Variants in PUDP observed in about 807,000 individuals in gnomAD.
The protein encoded by PUDP is pseudouridine-5'-phosphatase.
In PUDP, 8 loss-of-function variants were observed where a neutral mutation model predicts 9.4. That is an observed-to-expected ratio of 0.85 (90% confidence interval 0.50 to 1.53). The LOEUF (loss-of-function observed/expected upper bound fraction) is 1.53, where lower values mean the gene tolerates loss of function less well. Ranked by LOEUF, PUDP falls within the 40% of genes most tolerant of loss-of-function variation. The pLI, the probability that PUDP is intolerant of heterozygous loss-of-function variation, is 0.00. For synonymous variants in PUDP, 99 were observed against 80.7 expected (o/e 1.23, Z -1.22); for missense variants, 188 against 189.7 (o/e 0.99, Z 0.05).
intron 3 of PUDP, among the ~76,000 whole-genome samples, chrX:6,830,776 AAG>A (rs759298138): frequency 1.2e-4 from 13 of 112,386 alleles, no homozygotes; most frequent in African/African-American, 4.2e-4. Flanking sequence ...ATTGTTGAAA[AAG>A]AGTGTAAATA....
intron 1 of PUDP, among the ~76,000 whole-genome samples, chrX:7,118,097 G>T (rs1932245941): frequency 8.8e-6 from 1 of 113,097 alleles, no homozygotes. Flanking sequence ...CTTTAACACA[G>T]TCTGGAGAAC....
chrX:7,116,264 T>C (rs745674103), intron 1 of PUDP, among the ~76,000 whole-genome samples: 1 of 111,156 alleles, frequency 9.0e-6, no homozygotes, highest in Non-Finnish European at 1.9e-5. Context: ...TCTCATGGGA[T>C]TGGCTTGGGA....
intron 3 of PUDP, among the ~76,000 whole-genome samples, chrX:6,905,934 A>G (rs1164388788): frequency 3.6e-5 from 4 of 112,144 alleles, no homozygotes; most frequent in Non-Finnish European, 7.5e-5. Context: ...CACCAATAAC[A>G]TTGGAAATTT....
chrX:7,047,206 T>C (rs1929994460), downstream of PUDP, among the ~76,000 whole-genome samples: 1 of 112,165 alleles, frequency 8.9e-6, no homozygotes, highest in South Asian at 3.7e-4. Context: ...TCTCTGTCCC[T>C]TGTGTTTTCC....
intron 3 of PUDP, among the ~76,000 whole-genome samples, chrX:6,946,928 T>C (rs1462309853): frequency 1.8e-5 from 2 of 111,008 alleles, no homozygotes; most frequent in Non-Finnish European, 3.8e-5. Flanking sequence ...TTTGATGCTT[T>C]GAAAAAGAAA....
At chrX:6,840,107 G>A (rs941158338) in intron 3 of PUDP, among the ~76,000 whole-genome samples, 1 of 111,332 alleles carries the variant, frequency 9.0e-6, no homozygotes. Flanking sequence ...CATGGAGGTG[G>A]TTCCTCCATA....
chrX:6,803,219 G>A (rs910957320), intron 3 of PUDP, among the ~76,000 whole-genome samples: 6 of 110,706 alleles, frequency 5.4e-5, no homozygotes, highest in South Asian at 3.9e-4. Flanking sequence ...TTCTTCAGCC[G>A]ATGGAAACCC....
chrX:7,050,829 T>C (rs780113556), intron 3 of PUDP, among the ~76,000 whole-genome samples: 1 of 112,506 alleles, frequency 8.9e-6, no homozygotes, highest in Admixed American at 9.4e-5. Flanking sequence ...TGAGAGGCAA[T>C]TGCAAAACTA....
intron 2 of PUDP, among the ~76,000 whole-genome samples, chrX:7,100,296 C>A (rs1488030306): frequency 9.0e-6 from 1 of 111,238 alleles, no homozygotes; most frequent in African/African-American, 3.3e-5. Context: ...GCACACAGCC[C>A]CTGCAGCATG....
At chrX:6,950,022 C>T (rs1383319019) in intron 3 of PUDP, among the ~76,000 whole-genome samples, 1 of 111,139 alleles carries the variant, frequency 9.0e-6, no homozygotes, top group Non-Finnish European at 1.9e-5. Flanking sequence ...TGCTCGCTTC[C>T]AATAGAAAGA....
chrX:6,771,539 T>C (rs2075081541), intron 3 of PUDP, among the ~76,000 whole-genome samples: 1 of 112,374 alleles, frequency 8.9e-6, no homozygotes, highest in Non-Finnish European at 1.9e-5. Flanking sequence ...GTTTTCCTCA[T>C]CTTCCTAACC....
chrX:6,734,081 CAAAGATCGTTTCTGG>C (rs1473035995), intron 3 of PUDP, among the ~76,000 whole-genome samples: 1 of 111,139 alleles, frequency 9.0e-6, no homozygotes, highest in Non-Finnish European at 1.9e-5. Context: ...CCTGGCCAAG[CAAAGATCGTTTCTGG>C]GACAGCTGTT....
chrX:7,039,091 C>T (rs1244399794), intron 1 of PUDP, among the ~76,000 whole-genome samples: 1 of 110,375 alleles, frequency 9.1e-6, no homozygotes, highest in South Asian at 3.9e-4. Context: ...CACCATGCCC[C>T]GCTAATTTTT....
chrX:7,080,913 C>T (rs1602758910), intron 2 of PUDP, among the ~76,000 whole-genome samples: 2 of 90,224 alleles, frequency 2.2e-5, no homozygotes, highest in Admixed American at 1.3e-4. Context: ...AGCCAGACTC[C>T]ATCTCAAAAA....
chrX:6,975,355 C>T, intron 3 of PUDP, among the ~76,000 whole-genome samples: 1 of 111,231 alleles, frequency 9.0e-6, no homozygotes, highest in Non-Finnish European at 1.9e-5. Context: ...AATTATCTAC[C>T]TTTGGTCTTT....
chrX:7,130,354 T>C lies in PUDP; in HGVS notation c.61+17699A>G, dbSNP rs189676664. Among the ~76,000 whole-genome samples, 62 of 102,199 alleles carry C rather than the reference T, an allele frequency of 6.1e-4. 1 individual carries two copies. In the East Asian group the frequency reaches 6.6e-3, roughly 11 times the overall value. The allele number at this position is 102,199 out of a possible 115,157, so 88.7% of individuals were successfully genotyped here. On this transcript the variant is annotated intron_variant, in intron 1 of 3. Coordinates refer to ENST00000381077, the MANE Select transcript of PUDP (RefSeq NM_012080.5). Reference sequence around the variant, plus strand: ...GGGATCCAGAGCTGCTCCCTTTGTATCAGAGATGCACATACTACACACACA... The same window carrying C: ...GGGATCCAGAGCTGCTCCCTTTGTACCAGAGATGCACATACTACACACACA...
intron 3 of PUDP, among the ~76,000 whole-genome samples, chrX:6,816,513 AT>A (rs1375364593): frequency 9.8e-6 from 1 of 102,416 alleles, no homozygotes; most frequent in Non-Finnish European, 2.0e-5. Context: ...CATCTATACT[AT>A]ACTATAGTAT....
At chrX:7,103,774 T>C (rs1224698786) in intron 2 of PUDP, among the ~76,000 whole-genome samples, 1 of 111,891 alleles carries the variant, frequency 8.9e-6, no homozygotes, top group East Asian at 2.8e-4. Flanking sequence ...AATACAGAAA[T>C]GGCCAACAAG....
chrX:6,728,522 C>T (rs746138639), intron 3 of PUDP, among the ~76,000 whole-genome samples: 2 of 111,883 alleles, frequency 1.8e-5, no homozygotes, highest in Admixed American at 1.9e-4. Flanking sequence ...GTTCTAAGCC[C>T]TTTATGATGT....
Sources: gnomAD v4.1 joint callset for allele counts (sites outside exome capture counted in the v4.1 genomes callset) on GRCh38, gnomAD v4.1.1 for gene constraint, MANE v1.5 for transcripts, NCBI Gene and HGNC (gene_info 2026-07-23, HGNC 2026-07-21) for gene names.